The following ITPK1 variants were observed in gnomAD, a reference collection of about 807,000 sequenced individuals.
The protein encoded by ITPK1 is inositol-tetrakisphosphate 1-kinase, also known as inositol 1,3,4-trisphosphate 5/6-kinase.
Under a neutral mutation model 45.3 loss-of-function variants are expected in ITPK1, and 21 were observed. The ratio of observed to expected loss-of-function variants is 0.46; its 90% CI spans 0.33 to 0.67. ITPK1 has a LOEUF of 0.67. ITPK1 is among the 30% of genes least tolerant of loss of function. The pLI is 0.02. For synonymous variants in ITPK1, 258 were observed against 253.6 expected, an observed-to-expected ratio of 1.02 and a Z score of -0.16; for missense variants, 474 against 573.5, an observed-to-expected ratio of 0.83 and a Z score of 1.77.
rs1322547124 is a variant in ITPK1 at position 93,049,999 on chromosome 14, T to C, written c.120+26596A>G. Among the ~76,000 whole-genome samples the C allele has an allele frequency of 2.6e-5, 4 of 151,792 alleles. No individual in the cohort carries two copies. The East Asian group carries it at 7.8e-4, about 29-fold the overall frequency. The stretch of plus-strand genomic sequence containing the variant: ...AAAGGTTCTAGGCCTGCCATGGGGG[T>C]GGGCGCCGACAATCCCTGCTGCTGG... On this transcript the variant is annotated intron_variant, in intron 3 of 10. Coordinates refer to ENST00000267615, the MANE Select transcript of ITPK1 (RefSeq NM_014216.6).
At chr14:93,098,484 C>T (rs547060910) in intron 2 of ITPK1, among the ~76,000 whole-genome samples, 2 of 151,928 alleles carry the variant, frequency 1.3e-5, no homozygotes, top group South Asian at 2.1e-4. Flanking sequence ...AAAAATTAGC[C>T]GGGCGTGGTG....
intron 5 of ITPK1, among the ~76,000 whole-genome samples, chr14:92,993,119 G>C (rs1307756080): frequency 6.6e-6 from 1 of 152,224 alleles, no homozygotes; most frequent in Non-Finnish European, 1.5e-5. Context: ...ATGGTCTGTA[G>C]GGCAGGGAGC....
chr14:93,079,433 A>G (rs1891352508), intron 2 of ITPK1, among the ~76,000 whole-genome samples: 1 of 152,214 alleles, frequency 6.6e-6, no homozygotes, highest in Non-Finnish European at 1.5e-5. Flanking sequence ...GAGGCCTGGG[A>G]GACTCAGGAA....
chr14:93,030,444 TTCATTCATTCATGCAC>T (rs2139888070), intron 3 of ITPK1, among the ~76,000 whole-genome samples: 1 of 152,318 alleles, frequency 6.6e-6, no homozygotes, highest in African/African-American at 2.4e-5. Context: ...CATTCATTCA[TTCATTCATTCATGCAC>T]TCATTCATTG....
At chr14:93,094,940 C>G (rs1309366834) in intron 2 of ITPK1, among the ~76,000 whole-genome samples, 2 of 152,258 alleles carry the variant, frequency 1.3e-5, no homozygotes, top group East Asian at 3.8e-4. Flanking sequence ...CCACTACCTT[C>G]CATCCATACC....
intron 5 of ITPK1, among the ~76,000 whole-genome samples, chr14:92,990,071 GCCCTTCTT>G (rs1886703800): frequency 2.0e-5 from 3 of 152,198 alleles, no homozygotes; most frequent in Admixed American, 2.0e-4. Context: ...ACTCGTTCTA[GCCCTTCTT>G]CCATGGTGAT....
intron 2 of ITPK1, among the ~76,000 whole-genome samples, chr14:93,087,885 G>A (rs1206537793): frequency 6.6e-6 from 1 of 152,220 alleles, no homozygotes; most frequent in East Asian, 1.9e-4. Flanking sequence ...AGGGGTCCCT[G>A]ATGGGAATGG....
At chr14:93,075,364 A>T (rs1322720957) in intron 3 of ITPK1, among the ~76,000 whole-genome samples, 1 of 146,956 alleles carries the variant, frequency 6.8e-6, no homozygotes, top group East Asian at 2.0e-4. Context: ...AAAAAAAAGG[A>T]AGAGAAAAAA....
At chr14:92,981,595 C>T (rs1050197613) in intron 5 of ITPK1, among the ~76,000 whole-genome samples, 1 of 152,032 alleles carries the variant, frequency 6.6e-6, no homozygotes, top group African/African-American at 2.4e-5. Context: ...CCCAGTGCAT[C>T]TCCTTCTTAT....
intron 5 of ITPK1, among the ~76,000 whole-genome samples, chr14:92,988,200 C>A (rs905211970): frequency 5.9e-5 from 9 of 152,214 alleles, no homozygotes; most frequent in African/African-American, 2.2e-4. Flanking sequence ...CATTCCAGAC[C>A]CTTCGATGGG....
intron 10 of ITPK1, 148 bp downstream of exon 10, chr14:92,946,183 C>T (rs2139702367): frequency 1.1e-6 from 1 of 889,186 alleles, no homozygotes; most frequent in East Asian, 2.5e-5. Flanking sequence ...GCAGGTGAGG[C>T]TGAGGCTTCT....
At chr14:93,099,636 T>G (rs1042636110) in intron 2 of ITPK1, among the ~76,000 whole-genome samples, 5 of 152,094 alleles carry the variant, frequency 3.3e-5, no homozygotes, top group African/African-American at 4.8e-5. Flanking sequence ...ATAAGCCAGA[T>G]TCAGGTTTAA....
At chr14:92,972,658 C>A (rs1277386681) in intron 5 of ITPK1, among the ~76,000 whole-genome samples, 1 of 152,214 alleles carries the variant, frequency 6.6e-6, no homozygotes, top group African/African-American at 2.4e-5. Flanking sequence ...GCATCGTGAT[C>A]TCAGCTCACT....
intron 3 of ITPK1, among the ~76,000 whole-genome samples, chr14:93,064,138 C>A (rs992970794): frequency 2.6e-5 from 4 of 152,132 alleles, no homozygotes; most frequent in Non-Finnish European, 5.9e-5. Context: ...AAAAAATTAG[C>A]CGGGCGTGGT....
At chr14:92,959,589 G>A (rs1053265552) in intron 7 of ITPK1, among the ~76,000 whole-genome samples, 7 of 152,220 alleles carry the variant, frequency 4.6e-5, no homozygotes, top group Non-Finnish European at 2.9e-5. Context: ...TGGAATGCCT[G>A]CTGAGCACTT....
chr14:92,983,304 CA>C (rs1886320393), intron 5 of ITPK1, among the ~76,000 whole-genome samples: 1 of 152,138 alleles, frequency 6.6e-6, no homozygotes, highest in Admixed American at 6.5e-5. Flanking sequence ...CTCCCGCTCC[CA>C]AAACATGGCA....
chr14:93,020,152 A>G (rs1362050809), intron 3 of ITPK1, among the ~76,000 whole-genome samples: 1 of 152,206 alleles, frequency 6.6e-6, no homozygotes, highest in Non-Finnish European at 1.5e-5. Flanking sequence ...TCAGGGACGA[A>G]GGCAGAGACT....
In ITPK1 at chr14:93,002,391, T is replaced by C. The variant is rs1056341307; in HGVS notation, c.247-8394A>G. ...ACAAAGTAGGGCTCAAAGCACCTAG[T>C]AGGTGGCCAGGGCTCTCCCTGCGAG... On this transcript the variant is annotated intron_variant, in intron 4 of 10. Coordinates refer to ENST00000267615, the MANE Select transcript of ITPK1 (RefSeq NM_014216.6). 2.0e-5 allele frequency among the ~76,000 whole-genome samples: 3 copies of C among 152,020 alleles called. No individual in the cohort carries two copies. The South Asian group carries it at 6.2e-4, about 32-fold the overall frequency.
chr14:92,960,430 G>A (rs1371063978), intron 7 of ITPK1, among the ~76,000 whole-genome samples: 1 of 152,198 alleles, frequency 6.6e-6, no homozygotes, highest in African/African-American at 2.4e-5. Context: ...AACCCTGGCA[G>A]TGACCCCTCA....
Sources: gnomAD v4.1 joint callset for allele counts (sites outside exome capture counted in the v4.1 genomes callset) on GRCh38, gnomAD v4.1.1 for gene constraint, MANE v1.5 for transcripts, NCBI Gene and HGNC (gene_info 2026-07-23, HGNC 2026-07-21) for gene names.